LYN: variants seen among roughly 807,000 people sequenced by gnomAD.
LYN encodes the protein tyrosine-protein kinase Lyn.
A neutral mutation model predicts 65.0 loss-of-function variants in LYN; 12 were observed. The ratio of observed to expected loss-of-function variants is 0.18; its 90% CI spans 0.12 to 0.30. The LOEUF (loss-of-function observed/expected upper bound fraction) is 0.30. LYN is among the 10% of genes least tolerant of loss of function. LYN has a pLI of 1.00. For missense variants in LYN, 380 were observed against 623.2 expected (o/e 0.61, Z 4.16); for synonymous variants, 222 against 221.2 (o/e 1.00, Z -0.03).
At chr8:55,954,047 A>C in intron 8 of LYN, 63 bp downstream of exon 8, 4 of 1,554,856 alleles carry the variant, frequency 2.6e-6, no homozygotes, top group Non-Finnish European at 3.5e-6. Flanking sequence ...GTAAAGGCTC[A>C]AGCCAATTTC....
chr8:55,911,271 ATATATATATATATATTTT>A (rs1215354989), intron 1 of LYN, among the ~76,000 whole-genome samples: 6 of 43,682 alleles, frequency 1.4e-4, no homozygotes, highest in Non-Finnish European at 2.3e-4. Context: ...ATATATATAT[ATATATATATATATATTTT>A]TTTTTTTTTT....
At chr8:55,982,356 A>G (rs753989883) in intron 10 of LYN, among the ~76,000 whole-genome samples, 2 of 151,890 alleles carry the variant, frequency 1.3e-5, no homozygotes, top group Non-Finnish European at 1.5e-5. Flanking sequence ...ATACTTACTG[A>G]TTAACCATTT....
chr8:55,907,776 G>A (rs1312811437), intron 1 of LYN, among the ~76,000 whole-genome samples: 1 of 152,130 alleles, frequency 6.6e-6, no homozygotes, highest in Non-Finnish European at 1.5e-5. Flanking sequence ...TGAGGTGGGA[G>A]GATTGCTTGG....
At chr8:55,921,863 CT>C (rs1805956332) in intron 1 of LYN, among the ~76,000 whole-genome samples, 1 of 152,184 alleles carries the variant, frequency 6.6e-6, no homozygotes, top group Admixed American at 6.5e-5. Context: ...ACTGGATACT[CT>C]TTATTCCACA....
intron 8 of LYN, among the ~76,000 whole-genome samples, chr8:55,961,448 T>G (rs532849846): frequency 2.0e-5 from 3 of 152,280 alleles, no homozygotes; most frequent in Non-Finnish European, 4.4e-5. Context: ...AACAGAGGGA[T>G]GAAAACCACC....
chr8:55,904,976 C>A (rs1390414148), intron 1 of LYN, among the ~76,000 whole-genome samples: 1 of 152,112 alleles, frequency 6.6e-6, no homozygotes, highest in Non-Finnish European at 1.5e-5. Context: ...CCAAGCTGTT[C>A]CCTAACCAAT....
chr8:55,954,255 A>C (rs1161452634), intron 8 of LYN, among the ~76,000 whole-genome samples: 1 of 152,190 alleles, frequency 6.6e-6, no homozygotes, highest in Admixed American at 6.5e-5. Flanking sequence ...CTATTTCTTC[A>C]TGATTCCCTC....
chr8:55,989,346 C>G (rs1019529476), intron 10 of LYN, among the ~76,000 whole-genome samples: 12 of 152,146 alleles, frequency 7.9e-5, no homozygotes, highest in Non-Finnish European at 1.0e-4. Flanking sequence ...CTATCAAACC[C>G]GCATAAAAGA....
chr8:56,009,285 G>C (rs1391460254), intron 12 of LYN, among the ~76,000 whole-genome samples: 1 of 152,158 alleles, frequency 6.6e-6, no homozygotes, highest in Admixed American at 6.5e-5. Context: ...AGAGAACTTG[G>C]CTGTGGCTCC....
chr8:55,885,073 A>G (rs1166875507), intron 1 of LYN, among the ~76,000 whole-genome samples: 1 of 152,034 alleles, frequency 6.6e-6, no homozygotes, highest in Non-Finnish European at 1.5e-5. Context: ...TTCATTCCCT[A>G]TCATCTTACA....
intron 7 of LYN, 57 bp downstream of exon 7, chr8:55,952,172 G>A: frequency 7.2e-7 from 1 of 1,379,976 alleles, no homozygotes; most frequent in Non-Finnish European, 9.8e-7. Flanking sequence ...ATATGTATAA[G>A]ACGTCAAACG....
chr8:55,884,643 A>G lies in LYN; in HGVS notation c.-6+4540A>G, dbSNP rs1030961051. On this transcript the variant is annotated intron_variant, in intron 1 of 12. Transcript: ENST00000519728. ...GCTAATTTTTGTATTTTTAGTAGAG[A>G]TGGGTTTCACCATGTTGGCCAGGGT... Among the ~76,000 whole-genome samples, 10 of 146,840 alleles carry G rather than the reference A, an allele frequency of 6.8e-5. No individual in the cohort carries two copies. In the Admixed American group the frequency reaches 6.9e-4, roughly 10 times the overall value.
At chr8:55,913,021 G>A (rs748044630) in intron 1 of LYN, among the ~76,000 whole-genome samples, 10 of 152,118 alleles carry the variant, frequency 6.6e-5, no homozygotes, top group Non-Finnish European at 1.2e-4. Context: ...GACAAGTGAT[G>A]TAATAGAGTT....
chr8:55,910,578 T>C (rs1278884029), intron 1 of LYN, among the ~76,000 whole-genome samples: 1 of 152,212 alleles, frequency 6.6e-6, no homozygotes, highest in Non-Finnish European at 1.5e-5. Context: ...AGTCAAGTAA[T>C]ATGATGCCTC....
At chr8:55,947,465 C>T (rs1051055814) in intron 3 of LYN, among the ~76,000 whole-genome samples, 153 bp from the exon 4 acceptor site, 2 of 152,096 alleles carry the variant, frequency 1.3e-5, no homozygotes, top group African/African-American at 4.8e-5. Context: ...CTCTGTGGGC[C>T]GTGCAGACCC....
At chr8:55,957,038 G>T (rs1563528594) in intron 8 of LYN, among the ~76,000 whole-genome samples, 1 of 152,198 alleles carries the variant, frequency 6.6e-6, no homozygotes, top group East Asian at 1.9e-4. Flanking sequence ...AATCAGATAA[G>T]CAACTTACTC....
Position 55,997,892 on chromosome 8 carries a change from G to A in LYN, c.1051-454G>A, listed in dbSNP as rs1425230388. Among the ~76,000 whole-genome samples, 5 of 152,088 alleles carry A rather than the reference G, an allele frequency of 3.3e-5. No homozygotes were observed. The East Asian group carries it at 7.7e-4, about 23-fold the overall frequency. ...GAGGTCAGGAGATCGAGACCATCCT[G>A]GCTAACATGGTGAAACCCCGTCTCT... On this transcript the variant is annotated intron_variant, in intron 10 of 12. Transcript: ENST00000519728.
rs963899742 is a variant in LYN at position 56,012,402 on chromosome 8, G to A, written c.*2292G>A. ...GATTCTGACTTAGCTGTTGTGCAGC[G>A]GGAGATGTATGTCAGTCTATTTTAA... On this transcript the variant is annotated 3_prime_UTR_variant, in exon 13 of 13. Coordinates refer to ENST00000519728, the MANE Select transcript of LYN (RefSeq NM_002350.4). 1.7e-5 allele frequency: 3 copies of A among 178,294 alleles called. No homozygotes were observed. Among genetic ancestry groups the A allele is most frequent in the African/African-American group, 7.1e-5 (3 of 42,272 alleles). 11.0% of individuals were successfully genotyped at this position (178,294 alleles called of 1,614,324 possible).
intron 10 of LYN, among the ~76,000 whole-genome samples, chr8:55,971,084 G>A (rs759106426): frequency 1.1e-4 from 16 of 152,152 alleles, no homozygotes; most frequent in Non-Finnish European, 1.8e-4. Flanking sequence ...CTCCACCTCC[G>A]GGACTTGGCA....
Sources: allele counts gnomAD v4.1 joint callset (sites outside exome capture counted in the v4.1 genomes callset), GRCh38; gene constraint gnomAD v4.1.1; transcripts MANE v1.5; gene names NCBI Gene and HGNC (gene_info 2026-07-23, HGNC 2026-07-21).